Variants in ATR observed in about 807,000 individuals in gnomAD.
The protein encoded by ATR is ATR checkpoint kinase.
Under a neutral mutation model 305.3 loss-of-function variants are expected in ATR, and 142 were observed. The ratio of observed to expected loss-of-function variants is 0.47; its 90% CI spans 0.41 to 0.53. The LOEUF (loss-of-function observed/expected upper bound fraction) is 0.53. ATR is among the 20% of genes least tolerant of loss of function. The pLI is 0.00. For synonymous variants in ATR, 1,050 were observed against 1,068.1 expected, an observed-to-expected ratio of 0.98 and a Z score of 0.33; for missense variants, 2,135 against 3,133.1, an observed-to-expected ratio of 0.68 and a Z score of 7.60.
intron 17 of ATR, 96 bp from the exon 18 acceptor site, chr3:142,541,130 G>A: frequency 1.4e-6 from 2 of 1,450,952 alleles, no homozygotes; most frequent in Non-Finnish European, 1.9e-6. Flanking sequence ...CAGTATCAGG[G>A]TGTCATCTAT....
chr3:142,506,367 T>C (rs375784097), intron 28 of ATR, among the ~76,000 whole-genome samples: 20 of 152,252 alleles, frequency 1.3e-4, no homozygotes, highest in Middle Eastern at 3.4e-3. Flanking sequence ...AGTAGAAAGA[T>C]TGAATTTTGA....
chr3:142,463,759 A>G (rs1027219899), intron 41 of ATR, among the ~76,000 whole-genome samples: 12 of 152,330 alleles, frequency 7.9e-5, no homozygotes, highest in African/African-American at 2.4e-4. Context: ...TGTGGTATTA[A>G]TTTTTAAATT....
intron 42 of ATR, 30 bp downstream of exon 42, chr3:142,461,910 C>T (rs2108265548): frequency 6.2e-7 from 1 of 1,600,488 alleles, no homozygotes; most frequent in Non-Finnish European, 8.6e-7. Context: ...AGTACCCACA[C>T]TGTATATGTA....
At chr3:142,559,050 T>G (rs181083241) in intron 7 of ATR, 106 of 653,634 alleles carry the variant, frequency 1.6e-4, no homozygotes, top group Non-Finnish European at 4.3e-5. Context: ...AAATAATTTC[T>G]ATTGACTAAA....
rs374885997 is a variant in ATR, at chr3:142,492,285, A to G, written c.6078+847T>C. 5.9e-5 allele frequency among the ~76,000 whole-genome samples: 9 copies of G among 152,188 alleles called. No individual in the cohort carries two copies. The East Asian group carries it at 1.2e-3, about 20-fold the overall frequency. On this transcript the variant is annotated intron_variant, in intron 35 of 46. Coordinates refer to ENST00000350721, the MANE Select transcript of ATR (RefSeq NM_001184.4). ...TGGCTGGTGGACTGAATAACTCTCA[A>G]TCCTGTAATCTGAATGAATCTCAAT...
In ATR at chr3:142,556,365, TAA is replaced by T; in HGVS notation, c.2078+16_2078+17del. 6.2e-7 allele frequency: 1 copy of T among 1,601,762 alleles called. No homozygotes were observed. Among genetic ancestry groups the T allele is most frequent in the East Asian group, 2.2e-5 (1 of 44,788 alleles). On this transcript the variant is annotated intron_variant, in intron 9 of 46. Coordinates refer to ENST00000350721, the MANE Select transcript of ATR (RefSeq NM_001184.4). ...TTCCAATAGAGTGATATATTCAAAT[TAA>T]AATCTTAGTACATACATAAGAATCT...
chr3:142,512,973 T>A (rs1440063696), intron 26 of ATR, among the ~76,000 whole-genome samples: 4 of 152,142 alleles, frequency 2.6e-5, no homozygotes, highest in Admixed American at 6.5e-5. Flanking sequence ...AAGAAAATTT[T>A]AAAAATTTTA....
rs2033854163 is a variant in ATR at position 142,536,182 on chromosome 3, GA to G, written c.3744del (p.Leu1249PhefsTer13). ...TCAGGTAAAAAATATATTTCATGAA[GA>G]AAATCTTGCACAGCATCCCTAATAG... ...IIENRDAVQD[F>X]LHEIYFLPDH... On this transcript the variant is annotated frameshift_variant, in exon 20 of 47. Coordinates refer to ENST00000350721, the MANE Select transcript of ATR (RefSeq NM_001184.4). LOFTEE classifies it high-confidence loss of function. 2.5e-6 allele frequency: 4 copies of G among 1,588,046 alleles called. No homozygotes were observed. The highest frequency in any genetic ancestry group is 3.5e-6 in the Non-Finnish European group (4 of 1,156,766).
chr3:142,510,870 T>C (rs1314820743), intron 27 of ATR, among the ~76,000 whole-genome samples: 2 of 152,072 alleles, frequency 1.3e-5, no homozygotes, highest in African/African-American at 4.8e-5. Context: ...ATAATTCTTC[T>C]CATCAATGCT....
chr3:142,565,459 C>T (rs1157844385), intron 3 of ATR, among the ~76,000 whole-genome samples: 2 of 152,024 alleles, frequency 1.3e-5, no homozygotes, highest in African/African-American at 4.8e-5. Flanking sequence ...AGAAAAGCTT[C>T]AATATATAGA....
chr3:142,480,561 C>A (rs2108300718), intron 36 of ATR, among the ~76,000 whole-genome samples: 1 of 152,346 alleles, frequency 6.6e-6, no homozygotes, highest in Admixed American at 6.5e-5. Context: ...GGCAGTCTGT[C>A]AGTGCTCAGA....
chr3:142,483,787 C>T (rs776936861), intron 36 of ATR, among the ~76,000 whole-genome samples: 2 of 150,978 alleles, frequency 1.3e-5, no homozygotes, highest in Non-Finnish European at 2.9e-5. Context: ...GAGCTGAGAT[C>T]GTGCCATTGC....
Position 142,470,183 on chromosome 3 carries a change from T to C in ATR, c.6222A>G (p.Arg2074=). Residue 2074 remains arginine, a splice_region_variant and synonymous_variant, in exon 37 of 47, where the codon AGA becomes AGG. Transcript: ENST00000350721. ...LIRYIVLHFG[R]SLQYGNQFIY... ...TGAACTGATTTCCATATTGTAGAGA[T>C]CTGCAATTATATAGACAAGAAACAC... is the stretch of plus-strand genomic sequence containing the variant. 6.3e-7 allele frequency: 1 copy of C among 1,583,924 alleles called. No homozygotes were observed. The highest frequency in any genetic ancestry group is 8.7e-7 in the Non-Finnish European group (1 of 1,154,664).
intron 36 of ATR, among the ~76,000 whole-genome samples, chr3:142,482,773 C>A (rs2030603663): frequency 6.6e-6 from 1 of 150,614 alleles, no homozygotes; most frequent in Non-Finnish European, 1.5e-5. Context: ...AGTTCAAGGT[C>A]ATAGTTAGCT....
intron 1 of ATR, among the ~76,000 whole-genome samples, chr3:142,575,468 C>CAAA (rs72100236): frequency 9.8e-5 from 12 of 122,056 alleles, no homozygotes; most frequent in African/African-American, 3.3e-4. Flanking sequence ...GACTCCGTCT[C>CAAA]AAAAAAAAAA....
At chr3:142,462,626 G>A (rs1399381616) in intron 41 of ATR, among the ~76,000 whole-genome samples, 3 of 151,936 alleles carry the variant, frequency 2.0e-5, no homozygotes, top group Non-Finnish European at 4.4e-5. Flanking sequence ...CTGCCACCAC[G>A]CCCAGCTAAT....
chr3:142,547,691 C>T (rs374213771), intron 16 of ATR, 34 bp downstream of exon 16: 2 of 1,602,226 alleles, frequency 1.2e-6, no homozygotes, highest in Non-Finnish European at 1.7e-6. Context: ...GGAAGAAAAA[C>T]AAACAAAAAA....
At chr3:142,505,547 T>G (rs768103017) in intron 28 of ATR, among the ~76,000 whole-genome samples, 54 of 152,330 alleles carry the variant, frequency 3.5e-4, no homozygotes, top group Admixed American at 1.6e-3. Flanking sequence ...TTATTGATCA[T>G]AAGGTTTATA....
At chr3:142,454,541 A>C (rs1431005403) in intron 45 of ATR, among the ~76,000 whole-genome samples, 1 of 142,196 alleles carries the variant, frequency 7.0e-6, no homozygotes, top group East Asian at 2.1e-4. Context: ...CCTGGGGTTC[A>C]CGCCATTCTC....
Sources: gnomAD v4.1 joint callset for allele counts (sites outside exome capture counted in the v4.1 genomes callset) on GRCh38, gnomAD v4.1.1 for gene constraint, MANE v1.5 for transcripts, NCBI Gene and HGNC (gene_info 2026-07-23, HGNC 2026-07-21) for gene names.